The following PTPRD variants were observed in gnomAD, a reference collection of about 807,000 sequenced individuals.
PTPRD encodes the protein protein tyrosine phosphatase receptor type D.
A neutral mutation model predicts 214.5 loss-of-function variants in PTPRD; 34 were observed. The observed-to-expected ratio is 0.16, with a 90% CI of 0.12 to 0.21. The LOEUF is 0.21. PTPRD is among the 10% of genes least tolerant of loss of function. The pLI is 1.00. For synonymous variants in PTPRD, 1,128 were observed against 845.7 expected (o/e 1.33, Z -5.79); for missense variants, 2,545 against 2,398.7 (o/e 1.06, Z -1.27).
chr9:8,454,584 C>T (rs370467898), intron 33 of PTPRD: 20 of 1,612,804 alleles, frequency 1.2e-5, no homozygotes, highest in South Asian at 5.5e-5. Flanking sequence ...CCTCACCTGT[C>T]GGGTTTACTG....
chr9:8,337,483 G>T (rs1028149843), intron 43 of PTPRD, among the ~76,000 whole-genome samples: 1 of 152,050 alleles, frequency 6.6e-6, no homozygotes, highest in African/African-American at 2.4e-5. Flanking sequence ...ATAGCATTAG[G>T]AGAAATACCT....
chr9:9,164,564 T>A (rs1052431078), intron 10 of PTPRD, among the ~76,000 whole-genome samples: 18 of 152,096 alleles, frequency 1.2e-4, no homozygotes, highest in Admixed American at 1.0e-3. Context: ...CTTTCATACT[T>A]GTTTAAATGT....
intron 8 of PTPRD, among the ~76,000 whole-genome samples, chr9:9,503,987 T>C (rs1325755604): frequency 6.6e-6 from 1 of 151,760 alleles, no homozygotes; most frequent in Admixed American, 6.6e-5. Context: ...AAAACAATTA[T>C]GTAATCCTTC....
intron 5 of PTPRD, among the ~76,000 whole-genome samples, chr9:9,785,939 G>C (rs1013545329): frequency 2.6e-5 from 4 of 152,068 alleles, no homozygotes; most frequent in African/African-American, 9.7e-5. Flanking sequence ...AAGGCAACAT[G>C]CTCCAACATT....
intron 8 of PTPRD, among the ~76,000 whole-genome samples, chr9:9,438,798 G>C (rs906558450): frequency 3.9e-5 from 6 of 152,062 alleles, no homozygotes. Context: ...ATGTATGTGA[G>C]TACTAATTTC....
chr9:9,478,802 C>T (rs1210658088), intron 8 of PTPRD, among the ~76,000 whole-genome samples: 1 of 152,156 alleles, frequency 6.6e-6, no homozygotes, highest in East Asian at 1.9e-4. Context: ...AGATGCTGCT[C>T]GAGTTTAATC....
chr9:9,955,496 G>A (rs1035789723), intron 4 of PTPRD, among the ~76,000 whole-genome samples: 1 of 149,526 alleles, frequency 6.7e-6, no homozygotes, highest in Non-Finnish European at 1.5e-5. Context: ...GGATATTTGG[G>A]TTTTCGTTTT....
intron 3 of PTPRD, among the ~76,000 whole-genome samples, chr9:10,316,167 GTATA>G (rs1565242282): frequency 8.5e-6 from 1 of 117,270 alleles, no homozygotes; most frequent in Non-Finnish European, 1.8e-5. Context: ...GTATATCTAT[GTATA>G]TATACATAGA....
chr9:8,518,349 G>C lies in PTPRD; in HGVS notation c.1042C>G (p.Pro348Ala), dbSNP rs1436808095. The C allele has an allele frequency of 5.0e-6, 8 of 1,613,934 alleles. No homozygotes were observed. Residue 348 changes from proline (P) to alanine (A), a missense_variant, in exon 21 of 46, where the codon CCT becomes GCT. Physicochemically the swap from Pro to Ala is conservative, Grantham distance 27 (BLOSUM62 -1). Coordinates refer to ENST00000381196, the MANE Select transcript of PTPRD (RefSeq NM_002839.4). ...ATTATGTAATAAGAAACAGGCTCAG[G>C]GTTCCCAGAGTCCCACGTCAGTGTG... ...SITLTWDSGNPEPVSYYIIQH... is the reference protein window; with the variant it reads ...SITLTWDSGNAEPVSYYIIQH...
At chr9:9,975,495 A>G (rs541547965) in intron 4 of PTPRD, among the ~76,000 whole-genome samples, 1 of 152,360 alleles carries the variant, frequency 6.6e-6, no homozygotes, top group East Asian at 1.9e-4. Flanking sequence ...GTGAGGACCT[A>G]GGACTAGCAG....
chr9:8,546,446 G>C (rs139541318), intron 14 of PTPRD, among the ~76,000 whole-genome samples: 2 of 152,182 alleles, frequency 1.3e-5, no homozygotes, highest in Admixed American at 6.5e-5. Flanking sequence ...AACTATGGGA[G>C]AGAACTTTTC....
intron 10 of PTPRD, among the ~76,000 whole-genome samples, chr9:9,081,903 G>T (rs771698921): frequency 6.7e-6 from 1 of 149,808 alleles, no homozygotes. Flanking sequence ...GTCTTTGCAC[G>T]TGAGGTGGGT....
chr9:9,979,295 A>C (rs2095464102), intron 4 of PTPRD, among the ~76,000 whole-genome samples: 1 of 152,106 alleles, frequency 6.6e-6, no homozygotes, highest in African/African-American at 2.4e-5. Flanking sequence ...ATTTTAAAAT[A>C]AAATTTCAGG....
At chr9:9,077,869 C>T (rs1434716535) in intron 10 of PTPRD, among the ~76,000 whole-genome samples, 1 of 152,052 alleles carries the variant, frequency 6.6e-6, no homozygotes, top group African/African-American at 2.4e-5. Flanking sequence ...TGTACATTTT[C>T]TCCTTTCTCT....
At position 9,657,481 on chromosome 9, in the gene PTPRD, T is replaced by C. The variant is rs570774491; in HGVS notation, c.-287+77052A>G. ...GTTGGGAGGTGGGGTGGGATAGCAT[T>C]AGGAGAAATACCTAATGTAAATGAC... On this transcript the variant is annotated intron_variant, in intron 7 of 45. Transcript: ENST00000381196. 2.6e-5 allele frequency among the ~76,000 whole-genome samples: 4 copies of C among 152,208 alleles called. No individual in the cohort carries two copies. The South Asian group carries it at 6.2e-4, about 24-fold the overall frequency.
At chr9:8,349,290 T>A (rs1343273090) in intron 39 of PTPRD, among the ~76,000 whole-genome samples, 1 of 152,110 alleles carries the variant, frequency 6.6e-6, no homozygotes, top group African/African-American at 2.4e-5. Context: ...ATGTTGAAAA[T>A]TCAGAGCTTT....
chr9:9,730,935 T>G (rs902295309), intron 7 of PTPRD, among the ~76,000 whole-genome samples: 2 of 152,188 alleles, frequency 1.3e-5, no homozygotes, highest in African/African-American at 4.8e-5. Context: ...CATATGTTAT[T>G]ATTTTGACCT....
At chr9:9,902,590 T>C (rs939753850) in intron 5 of PTPRD, among the ~76,000 whole-genome samples, 11 of 152,180 alleles carry the variant, frequency 7.2e-5, no homozygotes, top group Admixed American at 3.9e-4. Context: ...CATTTAGAAA[T>C]GCACACTTCA....
At chr9:8,833,507 G>C (rs192040744) in intron 11 of PTPRD, among the ~76,000 whole-genome samples, 260 of 150,102 alleles carry the variant, frequency 1.7e-3, no homozygotes, top group Non-Finnish European at 2.7e-3. Context: ...AAATATTCAG[G>C]CTGTAACATA....
Sources: allele counts gnomAD v4.1 joint callset (sites outside exome capture counted in the v4.1 genomes callset), GRCh38; gene constraint gnomAD v4.1.1; transcripts MANE v1.5; gene names NCBI Gene and HGNC (gene_info 2026-07-23, HGNC 2026-07-21).